PAX7: variants seen among roughly 807,000 people sequenced by gnomAD.
PAX7 encodes the protein paired box protein Pax-7.
A neutral mutation model predicts 50.7 loss-of-function variants in PAX7; 18 were observed. The observed-to-expected ratio is 0.36, with a 90% CI of 0.25 to 0.53. The LOEUF (loss-of-function observed/expected upper bound fraction) is 0.53. PAX7 is among the 20% of genes least tolerant of loss of function. The pLI, the probability that PAX7 is intolerant of heterozygous loss-of-function variation, is 0.93. For synonymous variants in PAX7, 310 were observed against 290.4 expected (o/e 1.07, Z -0.69); for missense variants, 644 against 702.9 (o/e 0.92, Z 0.95).
In PAX7 at chr1:18,746,941, T is replaced by A. The variant is rs1051515803; in HGVS notation, c.*2012T>A. The A allele has an allele frequency of 8.6e-6, 2 of 231,448 alleles. No homozygotes were observed. Among genetic ancestry groups the A allele is most frequent in the African/African-American group, 2.2e-5 (1 of 45,224 alleles). 14.3% of individuals were successfully genotyped at this position (231,448 alleles called of 1,614,324 possible). On this transcript the variant is annotated 3_prime_UTR_variant, in exon 9 of 9. Coordinates refer to ENST00000420770, the MANE Select transcript of PAX7 (RefSeq NM_001135254.2). The stretch of plus-strand genomic sequence containing the variant: ...GGTAGCAGCAGACACATGTGATCCA[T>A]CAAGATCAACCAAGGTTGCAACTGG...
chr1:18,697,443 C>T (rs1174971606), intron 5 of PAX7, among the ~76,000 whole-genome samples: 1 of 152,210 alleles, frequency 6.6e-6, no homozygotes, highest in African/African-American at 2.4e-5. Flanking sequence ...GTGGCTGGCG[C>T]TGTTCTAAGC....
chr1:18,711,032 C>T (rs1421178333), intron 7 of PAX7, among the ~76,000 whole-genome samples: 3 of 152,212 alleles, frequency 2.0e-5, no homozygotes, highest in East Asian at 3.9e-4. Context: ...TCTCCTGCTG[C>T]CCGCTTCCTC....
chr1:18,671,040 C>G (rs1456631244), intron 4 of PAX7, among the ~76,000 whole-genome samples: 1 of 152,134 alleles, frequency 6.6e-6, no homozygotes, highest in East Asian at 1.9e-4. Flanking sequence ...GCACCCCATA[C>G]CCCCTCGCTC....
intron 4 of PAX7, among the ~76,000 whole-genome samples, chr1:18,641,498 G>A (rs1384873024): frequency 1.3e-5 from 2 of 152,218 alleles, no homozygotes; most frequent in Admixed American, 6.5e-5. Flanking sequence ...ACGCAGGCAC[G>A]TCTGAACCGG....
At chr1:18,657,019 C>A (rs534149148) in intron 4 of PAX7, among the ~76,000 whole-genome samples, 1 of 152,144 alleles carries the variant, frequency 6.6e-6, no homozygotes, top group African/African-American at 2.4e-5. Flanking sequence ...AAAATAGGAT[C>A]ATGTCAAGAA....
intron 8 of PAX7, among the ~76,000 whole-genome samples, chr1:18,742,485 T>A (rs942536423): frequency 6.6e-6 from 1 of 152,190 alleles, no homozygotes; most frequent in Non-Finnish European, 1.5e-5. Context: ...GGATGGACAC[T>A]GGAGCCCGGG....
intron 4 of PAX7, among the ~76,000 whole-genome samples, chr1:18,683,965 TTC>T (rs1272189774): frequency 2.6e-5 from 4 of 152,136 alleles, no homozygotes; most frequent in Non-Finnish European, 5.9e-5. Flanking sequence ...GGTCGAGGGT[TTC>T]TCTGTTATTA....
Position 18,631,379 on chromosome 1 carries a change from C to G in PAX7, c.-225C>G. ...CTTCCTCGTCGTCGCCACCTTCCCT[C>G]CCCCCAACCTCCACCCCACCTCACC... On this transcript the variant is annotated 5_prime_UTR_variant, in exon 1 of 9. Coordinates refer to ENST00000420770, the MANE Select transcript of PAX7 (RefSeq NM_001135254.2). 1 of 541,170 alleles carries G rather than the reference C, an allele frequency of 1.8e-6. No homozygotes were observed. The highest frequency in any genetic ancestry group is 2.5e-5 in the South Asian group (1 of 40,456). 33.5% of individuals were successfully genotyped at this position (541,170 alleles called of 1,614,324 possible). A position where few individuals can be genotyped will look rare whatever the true frequency, so the allele number is the denominator to read the frequency against.
chr1:18,736,818 T>C (rs559531793), intron 8 of PAX7, among the ~76,000 whole-genome samples: 1 of 152,220 alleles, frequency 6.6e-6, no homozygotes, highest in Non-Finnish European at 1.5e-5. Context: ...TTTAAATTAG[T>C]TCAAGTGAAA....
At chr1:18,643,488 G>A (rs1421461908) in intron 4 of PAX7, among the ~76,000 whole-genome samples, 1 of 152,122 alleles carries the variant, frequency 6.6e-6, no homozygotes, top group African/African-American at 2.4e-5. Context: ...TGGAAAATGC[G>A]GAGGCGCCGA....
intron 7 of PAX7, among the ~76,000 whole-genome samples, chr1:18,707,208 A>G (rs2089294766): frequency 6.6e-6 from 1 of 152,186 alleles, no homozygotes; most frequent in African/African-American, 2.4e-5. Context: ...GGTCAGACAG[A>G]CAAAAAATAT....
intron 7 of PAX7, among the ~76,000 whole-genome samples, chr1:18,723,172 G>C (rs1044554710): frequency 1.3e-5 from 2 of 151,734 alleles, no homozygotes; most frequent in African/African-American, 4.8e-5. Flanking sequence ...GCCATCTGCT[G>C]CTCACAGGGC....
Position 18,735,566 on chromosome 1 carries a change from G to T in PAX7, c.1156-66G>T. On this transcript the variant is annotated intron_variant, in intron 7 of 8. Transcript: ENST00000420770. The surrounding 1 kb of genome is among the most constrained non-coding windows in gnomAD (Gnocchi z 4.0). ...TGTTCCAGGGCCAGCCTGGCATTGT[G>T]CCCAGTGTGCTCGTGTCTCTGGGGT... is the stretch of plus-strand genomic sequence containing the variant. 6.4e-7 allele frequency: 1 copy of T among 1,556,156 alleles called. No individual in the cohort carries two copies. Among genetic ancestry groups the T allele is most frequent in the Non-Finnish European group, 8.7e-7 (1 of 1,145,544 alleles).
intron 6 of PAX7, among the ~76,000 whole-genome samples, chr1:18,702,475 T>C (rs1570195001): frequency 6.6e-6 from 1 of 152,024 alleles, no homozygotes; most frequent in Non-Finnish European, 1.5e-5. Context: ...GTAAGATAAA[T>C]TGAACCAGTG....
At chr1:18,732,649 G>C (rs1487688146) in intron 7 of PAX7, among the ~76,000 whole-genome samples, 1 of 152,208 alleles carries the variant, frequency 6.6e-6, no homozygotes, top group Non-Finnish European at 1.5e-5. Flanking sequence ...CTAGAGGTCT[G>C]GTCACTAGGA....
In PAX7 at chr1:18,632,643, C is replaced by CT. The variant is rs11308758; in HGVS notation, c.85+966dup. On this transcript the variant is annotated intron_variant, in intron 1 of 8. Transcript: ENST00000420770. This position sits in a 1 kb window ranked among gnomAD's most constrained non-coding sequence, Gnocchi z 6.3. ...GAGAAGTCATTAGAAATATGTGCGA[C>CT]TTTTTTTTTTTAAATTACTCTTCCT... 4.3e-4 allele frequency among the ~76,000 whole-genome samples: 61 copies of CT among 142,268 alleles called. No individual in the cohort carries two copies. Among genetic ancestry groups the CT allele is most frequent in the Middle Eastern group, 3.6e-3 (1 of 276 alleles). 93.3% of individuals were successfully genotyped at this position (142,268 alleles called of 152,430 possible).
At chr1:18,635,612 G>C (rs929059229) in intron 3 of PAX7, among the ~76,000 whole-genome samples, 3 of 152,052 alleles carry the variant, frequency 2.0e-5, no homozygotes, top group African/African-American at 7.2e-5. Flanking sequence ...TGGATGATAA[G>C]AGAGCCCCCC....
intron 4 of PAX7, among the ~76,000 whole-genome samples, chr1:18,673,782 G>A (rs547877723): frequency 6.6e-6 from 1 of 152,268 alleles, no homozygotes; most frequent in South Asian, 2.1e-4. Context: ...GATTCCACGG[G>A]CAAGGGAGGT....
chr1:18,741,960 C>G (rs1294225227), intron 8 of PAX7, among the ~76,000 whole-genome samples: 1 of 152,198 alleles, frequency 6.6e-6, no homozygotes, highest in Non-Finnish European at 1.5e-5. Flanking sequence ...GTGGTGCAGT[C>G]TCTCAGAGCC....
Sources: gnomAD v4.1 joint callset for allele counts (sites outside exome capture counted in the v4.1 genomes callset) on GRCh38, gnomAD v4.1.1 for gene constraint, Gnocchi (gnomAD v3.1) non-coding constraint, MANE v1.5 for transcripts, NCBI Gene and HGNC (gene_info 2026-07-23, HGNC 2026-07-21) for gene names.